ADCY8: variants seen among roughly 807,000 people sequenced by gnomAD.
ADCY8 encodes the protein adenylate cyclase type 8.
In ADCY8, 51 loss-of-function variants were observed where a neutral mutation model predicts 119.7. The observed-to-expected ratio is 0.43, with a 90% CI of 0.34 to 0.54. ADCY8 has a LOEUF of 0.54. Among genes scored for constraint, ADCY8 ranks in the 20% least tolerant of loss-of-function variants. The probability of loss-of-function intolerance (pLI) is 0.03; values close to 1 mark genes in which losing one functional copy is unlikely to be tolerated. For synonymous variants in ADCY8, 665 were observed against 651.0 expected (o/e 1.02, Z -0.33); for missense variants, 1,383 against 1,598.8 (o/e 0.87, Z 2.30).
intron 15 of ADCY8, among the ~76,000 whole-genome samples, chr8:130,800,139 C>T (rs1299735707): frequency 6.6e-6 from 1 of 152,146 alleles, no homozygotes; most frequent in Non-Finnish European, 1.5e-5. Context: ...TCATAGAGGC[C>T]TCTAGTCAAG....
chr8:130,995,177 C>A (rs1225427453), intron 1 of ADCY8, among the ~76,000 whole-genome samples: 1 of 152,016 alleles, frequency 6.6e-6, no homozygotes, highest in Non-Finnish European at 1.5e-5. Context: ...ATATGACCAT[C>A]CATGTGCAAA....
chr8:130,894,294 C>T (rs1279337697), intron 7 of ADCY8, among the ~76,000 whole-genome samples: 3 of 152,130 alleles, frequency 2.0e-5, no homozygotes, highest in Admixed American at 2.0e-4. Flanking sequence ...CTTCCTTTTA[C>T]CCTAACTTTC....
chr8:131,020,370 T>C (rs1255648826), intron 1 of ADCY8, among the ~76,000 whole-genome samples: 1 of 152,124 alleles, frequency 6.6e-6, no homozygotes, highest in Admixed American at 6.6e-5. Context: ...TTGGATGCAC[T>C]TGAGGACATT....
chr8:130,957,404 G>T (rs1288620679), intron 2 of ADCY8, among the ~76,000 whole-genome samples: 2 of 152,178 alleles, frequency 1.3e-5, no homozygotes, highest in Admixed American at 6.5e-5. Context: ...AGATGACTTG[G>T]GTGCTGTTGA....
chr8:130,851,729 G>A (rs1302587856), intron 9 of ADCY8, among the ~76,000 whole-genome samples: 1 of 152,166 alleles, frequency 6.6e-6, no homozygotes, highest in African/African-American at 2.4e-5. Context: ...GTATGTATGT[G>A]TAGAGGGTAT....
intron 1 of ADCY8, among the ~76,000 whole-genome samples, chr8:131,037,491 AACTT>A (rs1264731022): frequency 6.6e-6 from 1 of 152,228 alleles, no homozygotes; most frequent in African/African-American, 2.4e-5. Context: ...TACTATTCCA[AACTT>A]ACTTATTAAG....
intron 12 of ADCY8, among the ~76,000 whole-genome samples, chr8:130,822,730 A>G (rs988806164): frequency 3.3e-5 from 5 of 152,174 alleles, no homozygotes; most frequent in African/African-American, 1.2e-4. Flanking sequence ...GATTAAAGAC[A>G]TGAGGTTTGG....
rs58860505 is a variant in ADCY8, at chr8:130,936,385, C to T, written c.1481+688G>A. Among the ~76,000 whole-genome samples, 349 of 152,274 alleles carry T rather than the reference C, an allele frequency of 2.3e-3. 3 individuals are homozygous for T. The highest frequency in any genetic ancestry group is 8.2e-3 in the African/African-American group (340 of 41,550). On this transcript the variant is annotated intron_variant, in intron 5 of 17. Coordinates refer to ENST00000286355, the MANE Select transcript of ADCY8 (RefSeq NM_001115.3). ...CCTGGTGGCAGCCTTCTAGTAATTT[C>T]CTATTGGCCATAGGATAAAGTGCAA...
chr8:131,039,873 A>G lies in ADCY8; in HGVS notation c.461T>C (p.Phe154Ser). The G allele has an allele frequency of 6.2e-7, 1 of 1,613,976 alleles. No homozygotes were observed. Among genetic ancestry groups the G allele is most frequent in the Non-Finnish European group, 8.5e-7 (1 of 1,179,936 alleles). Residue 154 changes from phenylalanine to serine, a missense_variant, in exon 1 of 18, where the codon TTC (phenylalanine) becomes TCC (serine). Phe to Ser is a radical substitution (Grantham distance 155, BLOSUM62 -2). Transcript: ENST00000286355. ...NGGYSYRGVIFPTLRNSFKSR... is the reference protein window; with the variant it reads ...NGGYSYRGVISPTLRNSFKSR... ...TTTGAAGGAGTTGCGCAGGGTGGGG[A>G]AAATGACCCCTCGGTAGCTATAGCC...
chr8:130,798,441 A>G (rs1399152440), intron 15 of ADCY8, among the ~76,000 whole-genome samples: 3 of 152,186 alleles, frequency 2.0e-5, no homozygotes, highest in African/African-American at 7.2e-5. Context: ...CTCCAGGCAG[A>G]AAGTGCAGTG....
intron 1 of ADCY8, among the ~76,000 whole-genome samples, chr8:131,018,130 C>G (rs1302043935): frequency 6.6e-6 from 1 of 152,130 alleles, no homozygotes; most frequent in East Asian, 1.9e-4. Context: ...TACCCTTCTT[C>G]AATATTTCAT....
In ADCY8 at chr8:131,039,706, G is replaced by T. The variant is rs1346040583; in HGVS notation, c.628C>A (p.Pro210Thr). 1 of 1,614,150 alleles carries T rather than the reference G, an allele frequency of 6.2e-7. No homozygotes were observed. Among genetic ancestry groups the T allele is most frequent in the Admixed American group, 1.7e-5 (1 of 60,026 alleles). ...AAGCCCAGCAGGATGCCCTTGAGCG[G>T]GTCCATGGGGGCCGAGGCCAGGCTC... ...HLSLASAPMD[P>T]LKGILLGFFT... The change falls in exon 1 of 18, where the codon CCG becomes ACG. Residue 210 changes from proline to threonine, a missense_variant. Physicochemically the swap from Pro to Thr is conservative, Grantham distance 38. Coordinates refer to ENST00000286355, the MANE Select transcript of ADCY8 (RefSeq NM_001115.3).
At chr8:130,974,565 C>T (rs1040655740) in intron 2 of ADCY8, among the ~76,000 whole-genome samples, 2 of 152,114 alleles carry the variant, frequency 1.3e-5, no homozygotes, top group Admixed American at 6.6e-5. Flanking sequence ...GTGAAGATTT[C>T]ATTTGTTTTA....
intron 11 of ADCY8, among the ~76,000 whole-genome samples, chr8:130,836,658 T>G (rs1816998062): frequency 6.6e-6 from 1 of 152,122 alleles, no homozygotes; most frequent in African/African-American, 2.4e-5. Context: ...ATTCATAGCA[T>G]TTCCCAAGCC....
chr8:130,789,197 G>T (rs972374029), intron 15 of ADCY8, among the ~76,000 whole-genome samples: 3 of 152,134 alleles, frequency 2.0e-5, no homozygotes, highest in Non-Finnish European at 4.4e-5. Flanking sequence ...CAACAAACCT[G>T]TTAAAATAAT....
At chr8:130,982,781 G>A (rs1476792328) in intron 2 of ADCY8, among the ~76,000 whole-genome samples, 2 of 152,174 alleles carry the variant, frequency 1.3e-5, no homozygotes, top group Admixed American at 6.5e-5. Context: ...TCATTTCAAT[G>A]TATAATCAAC....
intron 15 of ADCY8, among the ~76,000 whole-genome samples, chr8:130,796,891 A>T (rs781618680): frequency 3.8e-4 from 57 of 150,214 alleles, no homozygotes; most frequent in Non-Finnish European, 2.8e-4. Context: ...TCCTGGTCTA[A>T]TGCCCATGTT....
intron 1 of ADCY8, among the ~76,000 whole-genome samples, chr8:130,992,320 G>C (rs1397912365): frequency 7.4e-6 from 1 of 135,070 alleles, no homozygotes; most frequent in Admixed American, 7.7e-5. Flanking sequence ...CTGACCTCAA[G>C]TGATCTATCC....
intron 13 of ADCY8, among the ~76,000 whole-genome samples, chr8:130,818,103 TTTC>T: frequency 6.6e-6 from 1 of 152,326 alleles, no homozygotes; most frequent in Non-Finnish European, 1.5e-5. Flanking sequence ...GACAGGGGAA[TTTC>T]TTAAATGCCT....
Sources: gnomAD v4.1 joint callset for allele counts (sites outside exome capture counted in the v4.1 genomes callset) on GRCh38, gnomAD v4.1.1 for gene constraint, MANE v1.5 for transcripts, NCBI Gene and HGNC (gene_info 2026-07-23, HGNC 2026-07-21) for gene names.